The following TULP4 variants were observed in gnomAD, a reference collection of about 807,000 sequenced individuals.
TULP4 encodes TUB like protein 4.
A neutral mutation model predicts 129.0 loss-of-function variants in TULP4; 16 were observed. That is an observed-to-expected ratio of 0.12 (90% CI 0.08 to 0.19). The LOEUF (loss-of-function observed/expected upper bound fraction) is 0.19, where lower values mean the gene tolerates loss of function less well. Among genes scored for constraint, TULP4 ranks in the 10% least tolerant of loss-of-function variants. TULP4 has a pLI of 1.00. For synonymous variants in TULP4, 998 were observed against 854.0 expected, an observed-to-expected ratio of 1.17 and a Z score of -2.94; for missense variants, 1,842 against 2,059.1, an observed-to-expected ratio of 0.89 and a Z score of 2.04.
At chr6:158,340,093 AG>A (rs1277201291) in intron 1 of TULP4, among the ~76,000 whole-genome samples, 3 of 152,160 alleles carry the variant, frequency 2.0e-5, no homozygotes, top group Non-Finnish European at 4.4e-5. Flanking sequence ...TGCTCGTGCA[AG>A]GTGAGTTGAC....
Position 158,258,072 on chromosome 6 carries a change from ATCAGCGGAAAGGAC to A in TULP4, n.68+25771_68+25784del, listed in dbSNP as rs372749393. Among the ~76,000 whole-genome samples the A allele has an allele frequency of 3.5e-3, 537 of 152,314 alleles. 5 individuals carry two copies. Among genetic ancestry groups the A allele is most frequent in the African/African-American group, 0.012 (493 of 41,560 alleles). On this transcript the variant is annotated intron_variant and non_coding_transcript_variant, in intron 1 of 1. Transcript: ENST00000620026. Reference sequence around the variant, plus strand: ...TTTCTATCTTGCCTCTTTCAAAACAATCAGCGGAAAGGACTGTAGAACCCTCTATTAGTCAGGGG... The same window carrying A: ...TTTCTATCTTGCCTCTTTCAAAACAATGTAGAACCCTCTATTAGTCAGGGG...
chr6:158,270,260 G>A (rs1173695276), intron 1 of TULP4, among the ~76,000 whole-genome samples: 1 of 152,132 alleles, frequency 6.6e-6, no homozygotes, highest in Non-Finnish European at 1.5e-5. Context: ...CCAACTTGGA[G>A]CTCTCTTTCT....
intron 1 of TULP4, among the ~76,000 whole-genome samples, chr6:158,403,276 T>C (rs1777895448): frequency 6.6e-6 from 1 of 152,184 alleles, no homozygotes; most frequent in Non-Finnish European, 1.5e-5. Context: ...CTTCCCAAGC[T>C]GCAGTCTGTC....
rs1186389338 is a variant in TULP4, at chr6:158,249,013, TAGGTGGGAGGCTG to T, written n.68+16721_68+16733del. On this transcript the variant is annotated intron_variant and non_coding_transcript_variant, in intron 1 of 1. Transcript: ENST00000620026. Reference sequence around the variant, plus strand: ...GGTGGCAAGTGCCTGTGGTCCCAGCTAGGTGGGAGGCTGAGGTGGGAGGATCACTTGAGCCCAG... The same window carrying T: ...GGTGGCAAGTGCCTGTGGTCCCAGCTAGGTGGGAGGATCACTTGAGCCCAG... Among the ~76,000 whole-genome samples the T allele has an allele frequency of 5.4e-5, 8 of 148,226 alleles. No homozygotes were observed. The East Asian group carries it at 1.2e-3, about 22-fold the overall frequency.
At chr6:158,253,625 T>A (rs1562495444) in intron 1 of TULP4, among the ~76,000 whole-genome samples, 1 of 151,674 alleles carries the variant, frequency 6.6e-6, no homozygotes, top group Admixed American at 6.6e-5. Context: ...GGGTGACCAG[T>A]AGTAGCTTCT....
At chr6:158,369,567 G>C (rs1369463166) in intron 1 of TULP4, among the ~76,000 whole-genome samples, 1 of 152,142 alleles carries the variant, frequency 6.6e-6, no homozygotes, top group Non-Finnish European at 1.5e-5. Flanking sequence ...CTGAGACGCA[G>C]AGCATTCATT....
intron 1 of TULP4, among the ~76,000 whole-genome samples, chr6:158,373,949 G>A (rs1777127756): frequency 6.6e-6 from 1 of 152,116 alleles, no homozygotes; most frequent in Admixed American, 6.5e-5. Context: ...TGAGATGAGT[G>A]TGAGAAAGGC....
chr6:158,247,433 C>A (rs1778049423), intron 1 of TULP4, among the ~76,000 whole-genome samples: 1 of 152,216 alleles, frequency 6.6e-6, no homozygotes, highest in Non-Finnish European at 1.5e-5. Context: ...AAGACTCATT[C>A]GTATCTGCTT....
chr6:158,260,805 A>ATTTGT (rs1778337971), intron 1 of TULP4, among the ~76,000 whole-genome samples: 1 of 148,730 alleles, frequency 6.7e-6, no homozygotes, highest in Admixed American at 6.7e-5. Flanking sequence ...GGAAAAGTGT[A>ATTTGT]TTTCTTTTCT....
intron 6 of TULP4, among the ~76,000 whole-genome samples, chr6:158,472,667 A>T (rs1350832375): frequency 1.3e-5 from 2 of 152,236 alleles, no homozygotes; most frequent in African/African-American, 4.8e-5. Flanking sequence ...AAAGAACTAA[A>T]TGCAATTTAG....
chr6:158,254,768 C>T (rs922175547), intron 1 of TULP4, among the ~76,000 whole-genome samples: 2 of 152,158 alleles, frequency 1.3e-5, no homozygotes, highest in South Asian at 2.1e-4. Context: ...TCTGCATCTC[C>T]TGATTAAAAA....
intron 5 of TULP4, among the ~76,000 whole-genome samples, chr6:158,456,833 C>CAAA (rs11354887): frequency 7.9e-6 from 1 of 126,054 alleles, no homozygotes; most frequent in Non-Finnish European, 1.7e-5. Context: ...GACTCCATCT[C>CAAA]AAAAAAAAAA....
At chr6:158,244,048 T>C (rs1184349940) in intron 1 of TULP4, among the ~76,000 whole-genome samples, 3 of 152,214 alleles carry the variant, frequency 2.0e-5, no homozygotes, top group African/African-American at 7.2e-5. Context: ...TTTAAATTTT[T>C]TCGCATAACA....
chr6:158,235,771 G>A (rs1346732616), intron 1 of TULP4, among the ~76,000 whole-genome samples: 1 of 152,174 alleles, frequency 6.6e-6, no homozygotes, highest in Non-Finnish European at 1.5e-5. Context: ...TGATGATCAG[G>A]AACCTTGTAT....
At chr6:158,354,216 A>T (rs1251446370) in intron 1 of TULP4, among the ~76,000 whole-genome samples, 1 of 23,576 alleles carries the variant, frequency 4.2e-5, no homozygotes, top group Admixed American at 6.7e-4. Context: ...GGAGGAAGGT[A>T]TTTAATAATT....
intron 1 of TULP4, among the ~76,000 whole-genome samples, chr6:158,370,979 A>G (rs1777057771): frequency 6.6e-6 from 1 of 152,202 alleles, no homozygotes; most frequent in Non-Finnish European, 1.5e-5. Context: ...TCCTGCATCC[A>G]CTGACCCCTC....
At chr6:158,260,739 G>T (rs1184180395) in intron 1 of TULP4, among the ~76,000 whole-genome samples, 1 of 152,064 alleles carries the variant, frequency 6.6e-6, no homozygotes, top group African/African-American at 2.4e-5. Context: ...AGGGGCTGGG[G>T]AATGCCTGGG....
At chr6:158,235,331 C>A (rs1777670223) in intron 1 of TULP4, among the ~76,000 whole-genome samples, 1 of 152,170 alleles carries the variant, frequency 6.6e-6, no homozygotes, top group Non-Finnish European at 1.5e-5. Flanking sequence ...TTTCTTTTCC[C>A]CTCCCTGCAG....
At chr6:158,409,675 G>A (rs1242043925) in intron 1 of TULP4, among the ~76,000 whole-genome samples, 1 of 152,154 alleles carries the variant, frequency 6.6e-6, no homozygotes, top group African/African-American at 2.4e-5. Context: ...ATAGACAGGG[G>A]AGGAAATGAG....
Sources: allele counts gnomAD v4.1 joint callset (sites outside exome capture counted in the v4.1 genomes callset), GRCh38; gene constraint gnomAD v4.1.1; transcripts MANE v1.5; gene names NCBI Gene and HGNC (gene_info 2026-07-23, HGNC 2026-07-21).